Variants in MAP2 observed in about 807,000 individuals in gnomAD.
The protein encoded by MAP2 is microtubule-associated protein 2.
MAP2 carries 14 observed loss-of-function variants against 137.6 expected under a neutral mutation model. The ratio of observed to expected loss-of-function variants is 0.10; its 90% CI spans 0.07 to 0.16. The LOEUF (loss-of-function observed/expected upper bound fraction) is 0.16, where lower values mean the gene tolerates loss of function less well. Among genes scored for constraint, MAP2 ranks in the 10% least tolerant of loss-of-function variants. The pLI is 1.00. For synonymous variants in MAP2, 786 were observed against 782.3 expected (o/e 1.00, Z -0.08); for missense variants, 2,088 against 2,191.5 (o/e 0.95, Z 0.94).
rs16843008 is a variant in MAP2, at chr2:209,510,864, T to G, written c.-172+3223T>G. On this transcript the variant is annotated intron_variant, in intron 2 of 15. Coordinates refer to ENST00000682079, the MANE Select transcript of MAP2 (RefSeq NM_001375505.1). Reference sequence around the variant, plus strand: ...ATCAAAAGCTAAATGATTTTCATTCTTATAAAGATAGATGATCATGTTAAT... The same window carrying G: ...ATCAAAAGCTAAATGATTTTCATTCGTATAAAGATAGATGATCATGTTAAT... 6.8e-3 allele frequency among the ~76,000 whole-genome samples: 1,035 copies of G among 152,200 alleles called. 9 individuals carry two copies. The highest frequency in any genetic ancestry group is 0.023 in the African/African-American group (974 of 41,570).
intron 1 of MAP2, among the ~76,000 whole-genome samples, chr2:209,491,824 A>C (rs899396308): frequency 2.0e-5 from 3 of 152,078 alleles, no homozygotes; most frequent in Non-Finnish European, 4.4e-5. Flanking sequence ...ACCAAAAAAA[A>C]CCCAGGATCA....
Position 209,479,430 on chromosome 2 carries a change from AATAG to A in MAP2, c.-221-28157_-221-28154del, listed in dbSNP as rs58562953. ...TATTTTGTCATATTACTATTTGCTTAATAGATAGGAACTATGATAATAAAGATAC... is the reference window on the plus strand; with the variant it reads ...TATTTTGTCATATTACTATTTGCTTAATAGGAACTATGATAATAAAGATAC... On this transcript the variant is annotated intron_variant, in intron 1 of 15. Coordinates refer to ENST00000682079, the MANE Select transcript of MAP2 (RefSeq NM_001375505.1). 6.9e-3 allele frequency among the ~76,000 whole-genome samples: 1,044 copies of A among 152,238 alleles called. 8 individuals are homozygous for A. Among genetic ancestry groups the A allele is most frequent in the African/African-American group, 0.023 (974 of 41,560 alleles).
chr2:209,464,976 C>T (rs1265694364), intron 1 of MAP2, among the ~76,000 whole-genome samples: 1 of 151,984 alleles, frequency 6.6e-6, no homozygotes. Flanking sequence ...GTATCTATCC[C>T]ACCCTTCTCA....
chr2:209,709,993 C>T lies in MAP2; in HGVS notation c.4812C>T (p.Gly1604=). 1 of 1,614,006 alleles carries T rather than the reference C, an allele frequency of 6.2e-7. No homozygotes were observed. Among genetic ancestry groups the T allele is most frequent in the Non-Finnish European group, 8.5e-7 (1 of 1,179,992 alleles). Reference sequence around the variant, plus strand: ...CTGGGTCTACTGCCATCACTCCTGGCACCCCACCAAGTTATTCTTCACGCA... The same window carrying T: ...CTGGGTCTACTGCCATCACTCCTGGTACCCCACCAAGTTATTCTTCACGCA... The part of the protein sequence containing the change: ...TTPGSTAITP[G]TPPSYSSRTP... Residue 1604 remains glycine, a synonymous_variant, in exon 13 of 16, where the codon GGC becomes GGT. Transcript: ENST00000682079.
chr2:209,661,436 G>C, intron 5 of MAP2: 10 of 863,608 alleles, frequency 1.2e-5, no homozygotes, highest in Non-Finnish European at 1.4e-5. Flanking sequence ...ACCACTCATT[G>C]CTCTGGCTGC....
intron 11 of MAP2, 50 bp from the exon 12 acceptor site, chr2:209,705,530 A>G (rs2063146252): frequency 6.7e-7 from 1 of 1,492,612 alleles, no homozygotes; most frequent in Non-Finnish European, 9.0e-7. Flanking sequence ...CACTTCGTAT[A>G]AATTAAAGAG....
At chr2:209,481,933 G>T (rs896392708) in intron 1 of MAP2, among the ~76,000 whole-genome samples, 1 of 152,146 alleles carries the variant, frequency 6.6e-6, no homozygotes, top group African/African-American at 2.4e-5. Flanking sequence ...ACAGTTATTT[G>T]TGAGTTAAAA....
intron 2 of MAP2, among the ~76,000 whole-genome samples, chr2:209,528,715 C>A (rs2064495909): frequency 6.7e-6 from 1 of 149,716 alleles, no homozygotes; most frequent in South Asian, 2.1e-4. Context: ...TATATATATA[C>A]ATGTATATGT....
chr2:209,431,408 AT>A (rs1428470555), intron 1 of MAP2, among the ~76,000 whole-genome samples: 9 of 152,138 alleles, frequency 5.9e-5, no homozygotes. Context: ...TTAGTTAATT[AT>A]TTTTTACATT....
In MAP2 at chr2:209,598,435, A is replaced by AT. The variant is rs577734313; in HGVS notation, c.-107+18341dup. Among the ~76,000 whole-genome samples, 70 of 151,292 alleles carry AT rather than the reference A, an allele frequency of 4.6e-4. 1 individual carries two copies. The East Asian group carries it at 0.012, about 25-fold the overall frequency. ...TTTATTTATTTTATTTATTTATTTT[A>AT]TTTTTTATTTTATTTTTATTTTATT... is the stretch of plus-strand genomic sequence containing the variant. On this transcript the variant is annotated intron_variant, in intron 3 of 15. Transcript: ENST00000682079.
intron 1 of MAP2, among the ~76,000 whole-genome samples, chr2:209,455,142 AC>A (rs1701242418): frequency 6.6e-6 from 1 of 152,180 alleles, no homozygotes; most frequent in African/African-American, 2.4e-5. Flanking sequence ...AAATACCATC[AC>A]ATTGGAGGTT....
chr2:209,494,505 C>T (rs2059514418), intron 1 of MAP2, among the ~76,000 whole-genome samples: 1 of 151,404 alleles, frequency 6.6e-6, no homozygotes, highest in Non-Finnish European at 1.5e-5. Flanking sequence ...GTCATCCTCA[C>T]TGCTATAGTC....
At chr2:209,486,611 C>G (rs1299901929) in intron 1 of MAP2, among the ~76,000 whole-genome samples, 5 of 152,174 alleles carry the variant, frequency 3.3e-5, no homozygotes, top group African/African-American at 1.2e-4. Flanking sequence ...TGTTCAGCAC[C>G]ACTTCAATTA....
At chr2:209,577,668 G>T (rs1474660984) in intron 2 of MAP2, among the ~76,000 whole-genome samples, 4 of 152,032 alleles carry the variant, frequency 2.6e-5, no homozygotes, top group African/African-American at 7.2e-5. Context: ...GGTAACCCAG[G>T]AAAGTTTAAC....
chr2:209,635,802 T>C (rs1187743104), intron 4 of MAP2, among the ~76,000 whole-genome samples: 2 of 152,164 alleles, frequency 1.3e-5, no homozygotes, highest in African/African-American at 4.8e-5. Flanking sequence ...AAAACGCATT[T>C]TCTCTTTGAG....
chr2:209,429,001 C>G (rs932621752), intron 1 of MAP2, among the ~76,000 whole-genome samples: 1 of 151,668 alleles, frequency 6.6e-6, no homozygotes, highest in Non-Finnish European at 1.5e-5. Context: ...TCGCCCAGGC[C>G]GGAGTACAGT....
chr2:209,707,078 A>G (rs1396523004), intron 12 of MAP2, among the ~76,000 whole-genome samples: 3 of 152,178 alleles, frequency 2.0e-5, no homozygotes, highest in Non-Finnish European at 4.4e-5. Flanking sequence ...CCAAGGATGT[A>G]TGAGACAAGA....
intron 7 of MAP2, among the ~76,000 whole-genome samples, chr2:209,687,323 A>G (rs2057348800): frequency 2.6e-5 from 4 of 152,016 alleles, no homozygotes. Context: ...TGATCTAAGC[A>G]TGAGTAGAGT....
chr2:209,554,111 T>C (rs762984919), intron 2 of MAP2, among the ~76,000 whole-genome samples: 14 of 152,230 alleles, frequency 9.2e-5, no homozygotes, highest in African/African-American at 3.1e-4. Flanking sequence ...GACAGAAATA[T>C]ACAGTTCTAT....
Sources: gnomAD v4.1 joint callset for allele counts (sites outside exome capture counted in the v4.1 genomes callset) on GRCh38, gnomAD v4.1.1 for gene constraint, MANE v1.5 for transcripts, NCBI Gene and HGNC (gene_info 2026-07-23, HGNC 2026-07-21) for gene names.